Variants in TM7SF2 observed in about 807,000 individuals in gnomAD.
The protein encoded by TM7SF2 is transmembrane 7 superfamily member 2.
A neutral mutation model predicts 51.0 loss-of-function variants in TM7SF2; 51 were observed. The observed-to-expected ratio is 1.00, with a 90% CI of 0.80 to 1.26. The LOEUF is 1.26. Ranked by LOEUF, TM7SF2 falls within the 50% of genes most tolerant of loss-of-function variation. The pLI, the probability that TM7SF2 is intolerant of heterozygous loss-of-function variation, is 0.00. For missense variants in TM7SF2, 541 were observed against 547.4 expected (o/e 0.99, Z 0.12); for synonymous variants, 255 against 241.0 (o/e 1.06, Z -0.54).
At chr11:65,113,622 CAGG>C (rs1947941111) in intron 5 of TM7SF2, 28 bp downstream of exon 5, 1 of 1,590,220 alleles carries the variant, frequency 6.3e-7, no homozygotes, top group Admixed American at 1.7e-5. Context: ...GAGCTGGCCT[CAGG>C]CCAGGGGGAG....
chr11:65,113,247 T>C lies in TM7SF2; in HGVS notation c.332T>C (p.Leu111Pro). ...TTCCAGGCCCTGGTGCTGACAGCCC[T>C]GTTGGTGGGGCTGGGGATGTCAGCG... ...NGFQALVLTA[L>P]LVGLGMSAGL... Residue 111 changes from leucine (L) to proline (P), a missense_variant, in exon 4 of 10, where the codon CTG becomes CCG. By Grantham distance (98) the Leu-to-Pro change is moderately conservative (BLOSUM62 -3). Coordinates refer to ENST00000279263, the MANE Select transcript of TM7SF2 (RefSeq NM_003273.6). 2 of 1,604,920 alleles carry C rather than the reference T, an allele frequency of 1.2e-6. No homozygotes were observed. Among genetic ancestry groups the C allele is most frequent in the Non-Finnish European group, 1.7e-6 (2 of 1,179,758 alleles).
rs1164487879 is a variant in TM7SF2, at chr11:65,115,934, A to G, written c.1138A>G (p.Thr380Ala). 6.2e-7 allele frequency: 1 copy of G among 1,613,826 alleles called. No homozygotes were observed. The highest frequency in any genetic ancestry group is 1.1e-5 in the South Asian group (1 of 91,070). Reference sequence around the variant, plus strand: ...GCCCTACTTCTACCTCCTCTACTTCACCGCGCTGCTGGTGCACCGTGAGGC... The same window carrying G: ...GCCCTACTTCTACCTCCTCTACTTCGCCGCGCTGCTGGTGCACCGTGAGGC... ...LLPYFYLLYFTALLVHREARD... is the reference protein window; with the variant it reads ...LLPYFYLLYFAALLVHREARD... Residue 380 changes from threonine (T) to alanine (A), a missense_variant, in exon 10 of 10, where the codon ACC becomes GCC. Transcript: ENST00000279263.
chr11:65,111,997 C>G lies in TM7SF2; in HGVS notation c.-19C>G. On this transcript the variant is annotated 5_prime_UTR_variant, in exon 1 of 10. Coordinates refer to ENST00000279263, the MANE Select transcript of TM7SF2 (RefSeq NM_003273.6). ...ACTGACTATTGTGAGCGCCCTCTCTCTCCGGCGGAGCGGAGACCATGGCCC... is the reference window on the plus strand; with the variant it reads ...ACTGACTATTGTGAGCGCCCTCTCTGTCCGGCGGAGCGGAGACCATGGCCC... 6.3e-7 allele frequency: 1 copy of G among 1,576,382 alleles called. No individual in the cohort carries two copies. Among genetic ancestry groups the G allele is most frequent in the East Asian group, 2.3e-5 (1 of 43,560 alleles).
At position 65,113,524 on chromosome 11, in the gene TM7SF2, A is replaced by T. The variant is rs1274757492; in HGVS notation, c.533A>T (p.Glu178Val). The change falls in exon 5 of 10, where the codon GAG becomes GTG. Residue 178 changes from glutamate to valine, a missense_variant. Coordinates refer to ENST00000279263, the MANE Select transcript of TM7SF2 (RefSeq NM_003273.6). Reference protein sequence around the residue: ...NPIYDFFLGRELNPRICFFDF... With the variant: ...NPIYDFFLGRVLNPRICFFDF... ...ATTTACGACTTTTTTCTGGGACGAG[A>T]GCTCAACCCTCGTATCTGTTTCTTC... is the stretch of plus-strand genomic sequence containing the variant. 1 of 1,613,970 alleles carries T rather than the reference A, an allele frequency of 6.2e-7. No homozygotes were observed. Among genetic ancestry groups the T allele is most frequent in the African/African-American group, 1.3e-5 (1 of 74,876 alleles).
intron 5 of TM7SF2, 64 bp from the exon 6 acceptor site, chr11:65,114,649 T>C: frequency 6.4e-7 from 1 of 1,559,964 alleles, no homozygotes; most frequent in East Asian, 2.3e-5. Flanking sequence ...GGGCAGAGGC[T>C]GGCCACTGCT....
At position 65,113,317 on chromosome 11, in the gene TM7SF2, G is replaced by A. The variant is rs757475906; in HGVS notation, c.402G>A (p.Ala134=). The A allele has an allele frequency of 1.9e-6, 3 of 1,613,526 alleles. No homozygotes were observed. Among genetic ancestry groups the A allele is most frequent in the Non-Finnish European group, 2.5e-6 (3 of 1,180,024 alleles). The change falls in exon 4 of 10, where the codon GCG becomes GCA. Residue 134 remains alanine (A), a synonymous_variant. Coordinates refer to ENST00000279263, the MANE Select transcript of TM7SF2 (RefSeq NM_003273.6). ...GALPEMLLPL[A]FVATLTAFIF... ...TCCCGGAAATGCTCCTGCCCTTGGC[G>A]TTTGTCGCCACCCTCACCGCTTTCA...
intron 1 of TM7SF2, 181 bp downstream of exon 1, chr11:65,112,248 T>TG (rs1239944836): frequency 1.5e-6 from 1 of 688,526 alleles, no homozygotes; most frequent in Non-Finnish European, 2.4e-6. Flanking sequence ...GGGCCGGTTC[T>TG]GGGGGCTGCA....
chr11:65,112,719 C>T lies in TM7SF2; in HGVS notation c.249+8C>T. On this transcript the variant is annotated splice_region_variant and intron_variant, in intron 2 of 9. Coordinates refer to ENST00000279263, the MANE Select transcript of TM7SF2 (RefSeq NM_003273.6). ...CTACTGCCGGCGCGCAAGGTGCGGGCCCCGCTCGCGGACGCTCGGGGGAGG... is the reference window on the plus strand; with the variant it reads ...CTACTGCCGGCGCGCAAGGTGCGGGTCCCGCTCGCGGACGCTCGGGGGAGG... The T allele has an allele frequency of 1.3e-6, 2 of 1,546,772 alleles. No homozygotes were observed. Among genetic ancestry groups the T allele is most frequent in the Non-Finnish European group, 8.7e-7 (1 of 1,146,124 alleles).
intron 1 of TM7SF2, 54 bp from the exon 2 acceptor site, chr11:65,112,461 G>A: frequency 9.6e-6 from 14 of 1,457,350 alleles, no homozygotes; most frequent in Non-Finnish European, 1.3e-5. Flanking sequence ...GTGCGGGCCG[G>A]CGGGGAGCTG....
chr11:65,116,205 G>A lies in TM7SF2; in HGVS notation c.*152G>A. On this transcript the variant is annotated 3_prime_UTR_variant, in exon 10 of 10. Transcript: ENST00000279263. ...CAGAGAAGAGGTGGTTTAGAGCAAGGAAAAAAATGAAACCAGTGACCAAAA... is the reference window on the plus strand; with the variant it reads ...CAGAGAAGAGGTGGTTTAGAGCAAGAAAAAAAATGAAACCAGTGACCAAAA... 8.1e-7 allele frequency: 1 copy of A among 1,232,710 alleles called. No individual in the cohort carries two copies. The allele number at this position is 1,232,710 out of a possible 1,614,324, so 76.4% of individuals were successfully genotyped here. A position where few individuals can be genotyped will look rare whatever the true frequency, so the allele number is the denominator to read the frequency against.
rs1947927863 is a variant in TM7SF2 at position 65,112,884 on chromosome 11, C to T, written c.304+19C>T. 1 of 1,550,316 alleles carries T rather than the reference C, an allele frequency of 6.5e-7. No individual in the cohort carries two copies. Among genetic ancestry groups the T allele is most frequent in the African/African-American group, 1.4e-5 (1 of 73,074 alleles). ...ATTAACGGTGCCTAGGGGACGGGCC[C>T]TCGCGCTGGAGTTAAGCGGCCGGGG... On this transcript the variant is annotated intron_variant, in intron 3 of 9. Coordinates refer to ENST00000279263, the MANE Select transcript of TM7SF2 (RefSeq NM_003273.6).
Position 65,111,960 on chromosome 11 carries a change from A to C in TM7SF2, c.-56A>C. ...CCATCTCCTGGGAAATGGGGCGGAC[A>C]GTGTTTCCTTGACTGACTATTGTGA... On this transcript the variant is annotated 5_prime_UTR_variant, in exon 1 of 10. Coordinates refer to ENST00000279263, the MANE Select transcript of TM7SF2 (RefSeq NM_003273.6). 1 of 1,532,008 alleles carries C rather than the reference A, an allele frequency of 6.5e-7. No homozygotes were observed. Among genetic ancestry groups the C allele is most frequent in the Admixed American group, 2.0e-5 (1 of 51,076 alleles). 94.9% of individuals were successfully genotyped at this position (1,532,008 alleles called of 1,614,324 possible). A position where few individuals can be genotyped will look rare whatever the true frequency, so the allele number is the denominator to read the frequency against.
chr11:65,113,202 CTG>C lies in TM7SF2; in HGVS notation c.305-15_305-14del, dbSNP rs753635644. ...TGGAGGCGCGCAGCCCCAGGGCTCA[CTG>C]TGCGCTGTGGTTCAGGCTTCCAGGC... On this transcript the variant is annotated splice_polypyrimidine_tract_variant and intron_variant, in intron 3 of 9. Transcript: ENST00000279263. The C allele has an allele frequency of 1.9e-6, 3 of 1,578,578 alleles. No individual in the cohort carries two copies. The African/African-American group carries it at 4.0e-5, about 21-fold the overall frequency.
At chr11:65,113,131 G>GC (rs1157047895) in intron 3 of TM7SF2, 89 bp from the exon 4 acceptor site, 19 of 1,371,110 alleles carry the variant, frequency 1.4e-5, no homozygotes, top group Non-Finnish European at 1.8e-5. Context: ...AGGGTCTGTG[G>GC]CCCCCCTGAG....
Position 65,115,496 on chromosome 11 carries a change from G to A in TM7SF2, c.994G>A (p.Ala332Thr). 1 of 1,614,146 alleles carries A rather than the reference G, an allele frequency of 6.2e-7. No homozygotes were observed. The highest frequency in any genetic ancestry group is 8.5e-7 in the Non-Finnish European group (1 of 1,180,014). The change falls in exon 9 of 10, where the codon GCC (alanine) becomes ACC (threonine). Residue 332 changes from alanine (A) to threonine (T), a missense_variant. Transcript: ENST00000279263. ...RVAGLETIST[A>T]TGRKLLVSGW... is the part of the protein sequence containing the mutation. ...CCCAGGGCTTGAGACCATCTCTACA[G>A]CCACAGGGCGGAAACTGCTGGTGTC...
chr11:65,114,392 G>C (rs983948431), intron 5 of TM7SF2, among the ~76,000 whole-genome samples: 25 of 152,346 alleles, frequency 1.6e-4, no homozygotes, highest in African/African-American at 6.0e-4. Context: ...ACAGGCCCAT[G>C]ATTATCCCCA....
At chr11:65,113,040 C>G (rs912690792) in intron 3 of TM7SF2, 175 bp downstream of exon 3, 6 of 1,030,292 alleles carry the variant, frequency 5.8e-6, no homozygotes, top group Admixed American at 2.7e-5. Flanking sequence ...CAGCCTTACC[C>G]CATTTACTGC....
In TM7SF2 at chr11:65,113,431, G is replaced by A. The variant is rs1344251592; in HGVS notation, c.499+17G>A. On this transcript the variant is annotated intron_variant, in intron 4 of 9. Coordinates refer to ENST00000279263, the MANE Select transcript of TM7SF2 (RefSeq NM_003273.6). ...GGAACTCAGGTGAGAGGGGTCCTGG[G>A]GTGGAGACGGAGGCAGATTGGGGCG... 2 of 1,614,084 alleles carry A rather than the reference G, an allele frequency of 1.2e-6. No homozygotes were observed. The highest frequency in any genetic ancestry group is 2.7e-5 in the African/African-American group (2 of 74,938).
rs187240326 is a variant in TM7SF2 at position 65,115,034 on chromosome 11, C to T, written c.845C>T (p.Pro282Leu). Reference protein sequence around the residue: ...SLQAQFLLHHPQPLGLPMASV... With the variant: ...SLQAQFLLHHLQPLGLPMASV... ...CAGGCCCAGTTCCTGCTGCACCACC[C>T]GCAGCCCCTGGGGTTGCCCATGGCC... Residue 282 changes from proline to leucine, a missense_variant, in exon 7 of 10, where the codon CCG (proline) becomes CTG (leucine). Coordinates refer to ENST00000279263, the MANE Select transcript of TM7SF2 (RefSeq NM_003273.6). 1,564 of 1,614,090 alleles carry T rather than the reference C, an allele frequency of 9.7e-4. 6 individuals are homozygous for T. Among genetic ancestry groups the T allele is most frequent in the Non-Finnish European group, 1.1e-3 (1,311 of 1,180,040 alleles).
Sources: gnomAD v4.1 joint callset for allele counts (sites outside exome capture counted in the v4.1 genomes callset) on GRCh38, gnomAD v4.1.1 for gene constraint, MANE v1.5 for transcripts, NCBI Gene and HGNC (gene_info 2026-07-23, HGNC 2026-07-21) for gene names.